PCDHA2: variants seen among roughly 807,000 people sequenced by gnomAD.
PCDHA2 encodes protocadherin alpha-2.
PCDHA2 carries 58 observed loss-of-function variants against 66.0 expected under a neutral mutation model. The ratio of observed to expected loss-of-function variants is 0.88; its 90% CI spans 0.71 to 1.09. The LOEUF is 1.09. Ranked by LOEUF, PCDHA2 falls within the 50% of genes least tolerant of loss-of-function variation. The pLI, the probability that PCDHA2 is intolerant of heterozygous loss-of-function variation, is 0.00. For synonymous variants in PCDHA2, 634 were observed against 554.0 expected (o/e 1.14, Z -2.03); for missense variants, 1,267 against 1,242.3 (o/e 1.02, Z -0.30).
chr5:140,863,407 C>A (rs1343146552), intron 1 of PCDHA2: 4 of 788,794 alleles, frequency 5.1e-6, no homozygotes, highest in African/African-American at 1.7e-5. Flanking sequence ...CAAGCCCACG[C>A]TGGTGTACCG....
chr5:140,794,949 A>T lies in PCDHA2; in HGVS notation c.-16A>T. The stretch of plus-strand genomic sequence containing the variant: ...AACATGCTCTTCTAATTTGATCAAA[A>T]CATTGAGGATTGGTAATGGCGTCTT... On this transcript the variant is annotated 5_prime_UTR_variant, in exon 1 of 4. Transcript: ENST00000526136. The T allele has an allele frequency of 6.3e-7, 1 of 1,594,962 alleles. No homozygotes were observed. Among genetic ancestry groups the T allele is most frequent in the Non-Finnish European group, 8.5e-7 (1 of 1,171,850 alleles).
At chr5:140,846,550 AT>A (rs1279691589) in intron 1 of PCDHA2, among the ~76,000 whole-genome samples, 1 of 147,284 alleles carries the variant, frequency 6.8e-6, no homozygotes, top group East Asian at 2.0e-4. Context: ...AATTTTTTGT[AT>A]TTTTAGTAGA....
intron 1 of PCDHA2, chr5:140,843,649 T>C: frequency 6.3e-7 from 1 of 1,595,168 alleles, no homozygotes. Context: ...GCCCCTGCCT[T>C]CCTCCTGATC....
At chr5:140,882,701 T>C in intron 1 of PCDHA2, 2 of 1,614,138 alleles carry the variant, frequency 1.2e-6, no homozygotes, top group South Asian at 1.1e-5. Context: ...CATTGCAGAA[T>C]CTAGACCTCC....
intron 3 of PCDHA2, 128 bp downstream of exon 3, chr5:140,982,691 C>T: frequency 7.1e-7 from 1 of 1,408,152 alleles, no homozygotes; most frequent in Non-Finnish European, 9.3e-7. Context: ...TTTTTCCATA[C>T]ATACATGATT....
intron 1 of PCDHA2, chr5:140,821,719 T>C: frequency 6.7e-7 from 1 of 1,495,910 alleles, no homozygotes; most frequent in Non-Finnish European, 9.0e-7. Flanking sequence ...GAATTGAATT[T>C]ACAAAATACA....
At chr5:141,009,150 G>T (rs1588228136) in intron 3 of PCDHA2, among the ~76,000 whole-genome samples, 1 of 152,300 alleles carries the variant, frequency 6.6e-6, no homozygotes, top group African/African-American at 2.4e-5. Context: ...CTGCCCTCTT[G>T]CTTGTCTGTA....
At chr5:140,955,183 G>A (rs556157825) in intron 1 of PCDHA2, among the ~76,000 whole-genome samples, 1 of 152,122 alleles carries the variant, frequency 6.6e-6, no homozygotes, top group South Asian at 2.1e-4. Flanking sequence ...GTAGTTTTGT[G>A]GTGTATATGA....
intron 1 of PCDHA2, chr5:140,802,457 C>A: frequency 1.2e-6 from 2 of 1,614,226 alleles, no homozygotes; most frequent in Non-Finnish European, 1.7e-6. Flanking sequence ...GCGTGTCGGC[C>A]TATGAGCTGG....
At position 140,830,486 on chromosome 5, in the gene PCDHA2, G is replaced by A. The variant is rs2150187168; in HGVS notation, c.2388+33134G>A. On this transcript the variant is annotated intron_variant, in intron 1 of 3. Transcript: ENST00000526136. The stretch of plus-strand genomic sequence containing the variant: ...TTTAAATGAAGATCATGATGCCAAA[G>A]TAAGTGAATTTTCATAATTAACAGT... 3 of 1,500,990 alleles carry A rather than the reference G, an allele frequency of 2.0e-6. No homozygotes were observed. In the East Asian group the frequency reaches 7.1e-5, roughly 36 times the overall value. The allele number at this position is 1,500,990 out of a possible 1,614,324, so 93.0% of individuals were successfully genotyped here.
intron 1 of PCDHA2, chr5:140,841,149 T>G: frequency 1.3e-6 from 1 of 781,862 alleles, no homozygotes. Flanking sequence ...ATGATGTCGC[T>G]GTCTACCAAG....
intron 1 of PCDHA2, chr5:140,876,243 C>A: frequency 6.2e-7 from 1 of 1,613,948 alleles, no homozygotes; most frequent in Non-Finnish European, 8.5e-7. Context: ...ATGTCCAAAA[C>A]GACACAAGAG....
At chr5:140,975,068 C>T (rs1273763502) in intron 1 of PCDHA2, among the ~76,000 whole-genome samples, 4 of 152,134 alleles carry the variant, frequency 2.6e-5, no homozygotes, top group African/African-American at 9.7e-5. Flanking sequence ...CGAGCTCATT[C>T]AGATTGTTGG....
chr5:140,842,046 T>C (rs1554138752), intron 1 of PCDHA2: 1 of 1,613,856 alleles, frequency 6.2e-7, no homozygotes, highest in African/African-American at 1.3e-5. Flanking sequence ...GCTCCCACTT[T>C]CGAACAGTCT....
intron 1 of PCDHA2, among the ~76,000 whole-genome samples, chr5:140,846,443 C>T (rs1355812875): frequency 2.2e-5 from 3 of 134,856 alleles, no homozygotes; most frequent in Non-Finnish European, 4.7e-5. Context: ...GGCGCAATCT[C>T]GGCTCACTGC....
intron 1 of PCDHA2, chr5:140,870,035 A>G (rs1490530166): frequency 1.2e-6 from 2 of 1,613,656 alleles, no homozygotes; most frequent in African/African-American, 2.7e-5. Context: ...GATTATGAAG[A>G]AAACAAGTTT....
intron 1 of PCDHA2, chr5:140,967,577 C>G (rs141338011): frequency 1.2e-6 from 2 of 1,614,016 alleles, no homozygotes; most frequent in Non-Finnish European, 1.7e-6. Flanking sequence ...GGAGGACTCA[C>G]CCCCAGGCAC....
At chr5:140,988,503 GAA>G (rs2097300771) in intron 3 of PCDHA2, among the ~76,000 whole-genome samples, 1 of 152,152 alleles carries the variant, frequency 6.6e-6, no homozygotes, top group Non-Finnish European at 1.5e-5. Flanking sequence ...GAGAAGCCAT[GAA>G]GCTTACTTAA....
intron 1 of PCDHA2, among the ~76,000 whole-genome samples, chr5:140,947,308 A>G (rs1554218155): frequency 1.3e-5 from 2 of 151,606 alleles, no homozygotes; most frequent in Non-Finnish European, 3.0e-5. Context: ...ACATCTTTGT[A>G]AAAAGTCGGT....
Sources: allele counts gnomAD v4.1 joint callset (sites outside exome capture counted in the v4.1 genomes callset), GRCh38; gene constraint gnomAD v4.1.1; transcripts MANE v1.5; gene names NCBI Gene and HGNC (gene_info 2026-07-23, HGNC 2026-07-21).